The following UXS1 variants were observed in gnomAD, a reference collection of about 807,000 sequenced individuals.
UXS1 encodes UDP-glucuronate decarboxylase 1, also known as UDP-glucuronic acid decarboxylase 1.
UXS1 carries 33 observed loss-of-function variants against 62.6 expected under a neutral mutation model. The ratio of observed to expected loss-of-function variants is 0.53; its 90% CI spans 0.40 to 0.70. UXS1 has a LOEUF of 0.70. Ranked by LOEUF, UXS1 falls within the 30% of genes least tolerant of loss-of-function variation. The pLI is 0.00. For synonymous variants in UXS1, 213 were observed against 206.8 expected (o/e 1.03, Z -0.26); for missense variants, 434 against 556.3 (o/e 0.78, Z 2.21).
intron 10 of UXS1, among the ~76,000 whole-genome samples, chr2:106,106,985 ATTT>A (rs199704200): frequency 6.6e-6 from 1 of 151,630 alleles, no homozygotes; most frequent in African/African-American, 2.4e-5. Context: ...CTACCTGTAG[ATTT>A]TTTTTTCTTT....
intron 5 of UXS1, among the ~76,000 whole-genome samples, chr2:106,145,818 T>G (rs1681515364): frequency 6.6e-6 from 1 of 152,172 alleles, no homozygotes; most frequent in Non-Finnish European, 1.5e-5. Flanking sequence ...AAAAAAAACT[T>G]AATATTTAAG....
chr2:106,144,836 G>C (rs370651328), intron 6 of UXS1, among the ~76,000 whole-genome samples: 1 of 152,018 alleles, frequency 6.6e-6, no homozygotes, highest in African/African-American at 2.4e-5. Context: ...ACCTCCAAAG[G>C]CCCCACCTCC....
intron 7 of UXS1, among the ~76,000 whole-genome samples, chr2:106,127,985 T>A (rs560117191): frequency 6.6e-5 from 10 of 152,214 alleles, no homozygotes; most frequent in African/African-American, 2.2e-4. Context: ...CCAACCCCCA[T>A]AGGGCACCAA....
chr2:106,127,910 C>A (rs1026733857), intron 7 of UXS1, among the ~76,000 whole-genome samples: 1 of 152,196 alleles, frequency 6.6e-6, no homozygotes, highest in Non-Finnish European at 1.5e-5. Flanking sequence ...TTTGCTGAGG[C>A]CTCTCTTTGG....
intron 9 of UXS1, among the ~76,000 whole-genome samples, chr2:106,116,667 T>G (rs1679084735): frequency 6.6e-6 from 1 of 152,236 alleles, no homozygotes; most frequent in Admixed American, 6.5e-5. Context: ...AACATTTATA[T>G]ATTAAGTACA....
rs115345995 is a variant in UXS1 at position 106,177,673 on chromosome 2, A to G, written c.95-11590T>C. On this transcript the variant is annotated intron_variant, in intron 1 of 14. Transcript: ENST00000283148. ...GATGCTGCCATGTGAGGACACTGCG[A>G]GAAGGCGCCATCTATGAACAGGAAT... Among the ~76,000 whole-genome samples, 1,384 of 152,358 alleles carry G rather than the reference A, an allele frequency of 9.1e-3. 9 individuals are homozygous for G. Among genetic ancestry groups the G allele is most frequent in the Admixed American group, 0.017 (253 of 15,308 alleles).
chr2:106,168,452 T>G (rs563577019), intron 1 of UXS1, among the ~76,000 whole-genome samples: 32 of 152,334 alleles, frequency 2.1e-4, no homozygotes, highest in African/African-American at 7.0e-4. Flanking sequence ...GACCTCTCTA[T>G]AGAGTAGCCA....
At chr2:106,163,795 G>T in intron 3 of UXS1, 85 bp from the exon 4 acceptor site, 1 of 804,900 alleles carries the variant, frequency 1.2e-6, no homozygotes, top group Non-Finnish European at 1.8e-6. Context: ...TTCAGATAAG[G>T]CAAAACAGGT....
intron 13 of UXS1, among the ~76,000 whole-genome samples, chr2:106,098,285 C>A (rs764335687): frequency 6.6e-6 from 1 of 152,240 alleles, no homozygotes; most frequent in East Asian, 1.9e-4. Flanking sequence ...TGCTACACTG[C>A]CCCCAGTGGG....
chr2:106,141,030 A>C (rs1368091055), intron 6 of UXS1, among the ~76,000 whole-genome samples: 1 of 152,218 alleles, frequency 6.6e-6, no homozygotes, highest in Non-Finnish European at 1.5e-5. Flanking sequence ...GGCTTTCTGA[A>C]GCATGGTTTA....
intron 5 of UXS1, among the ~76,000 whole-genome samples, chr2:106,157,783 A>T (rs1682555421): frequency 6.6e-6 from 1 of 152,230 alleles, no homozygotes; most frequent in Non-Finnish European, 1.5e-5. Flanking sequence ...TGTTCAAAAA[A>T]GGCAGATTCA....
chr2:106,107,949 GGA>G (rs1678229322), intron 10 of UXS1, among the ~76,000 whole-genome samples: 3 of 152,244 alleles, frequency 2.0e-5, no homozygotes, highest in Admixed American at 6.5e-5. Flanking sequence ...TAGTACAAGA[GGA>G]GGCTGTTCTG....
chr2:106,180,505 T>C (rs987945872), intron 1 of UXS1, among the ~76,000 whole-genome samples: 7 of 152,208 alleles, frequency 4.6e-5, no homozygotes, highest in Non-Finnish European at 1.0e-4. Flanking sequence ...GTAACAATTA[T>C]GTGACTAATT....
At chr2:106,165,117 G>A (rs756359890) in intron 2 of UXS1, among the ~76,000 whole-genome samples, 2 of 152,244 alleles carry the variant, frequency 1.3e-5, no homozygotes. Flanking sequence ...AGGAGTATGT[G>A]TTTGTGCCTG....
Position 106,095,109 on chromosome 2 carries a change from T to C in UXS1, c.1147-952A>G, listed in dbSNP as rs185697473. 5.3e-5 allele frequency among the ~76,000 whole-genome samples: 8 copies of C among 152,266 alleles called. No homozygotes were observed. The East Asian group carries it at 1.5e-3, about 29-fold the overall frequency. ...CTCACATTCCAAGAATGTTAGAATA[T>C]TATAGGTCTAAATTCCAGAAAGATA... On this transcript the variant is annotated intron_variant, in intron 14 of 14. Transcript: ENST00000283148.
intron 1 of UXS1, among the ~76,000 whole-genome samples, chr2:106,173,349 T>C (rs1314212982): frequency 6.6e-6 from 1 of 152,172 alleles, no homozygotes; most frequent in African/African-American, 2.4e-5. Context: ...GCCCAGGAGT[T>C]TGAGACCAGC....
intron 1 of UXS1, among the ~76,000 whole-genome samples, chr2:106,172,075 G>A (rs935935374): frequency 2.5e-4 from 38 of 152,244 alleles, no homozygotes; most frequent in African/African-American, 8.7e-4. Flanking sequence ...CTCAGCGCTT[G>A]CGGATGCACA....
chr2:106,165,203 G>T lies in UXS1; in HGVS notation c.123-404C>A, dbSNP rs575283470. On this transcript the variant is annotated intron_variant, in intron 2 of 14. Coordinates refer to ENST00000283148, the MANE Select transcript of UXS1 (RefSeq NM_001253875.2). Reference sequence around the variant, plus strand: ...CACAGAGCTCCTTTAAAAGGGATCTGAGCACCCCACCTAGTCATACACAGC... The same window carrying T: ...CACAGAGCTCCTTTAAAAGGGATCTTAGCACCCCACCTAGTCATACACAGC... Among the ~76,000 whole-genome samples, 6 of 152,254 alleles carry T rather than the reference G, an allele frequency of 3.9e-5. No individual in the cohort carries two copies. The South Asian group carries it at 1.2e-3, about 32-fold the overall frequency.
intron 1 of UXS1, among the ~76,000 whole-genome samples, chr2:106,170,053 C>G (rs926774422): frequency 6.6e-6 from 1 of 152,194 alleles, no homozygotes; most frequent in Non-Finnish European, 1.5e-5. Flanking sequence ...GCCCTCTCCT[C>G]CCCAGCTGCA....
Sources: allele counts gnomAD v4.1 joint callset (sites outside exome capture counted in the v4.1 genomes callset), GRCh38; gene constraint gnomAD v4.1.1; transcripts MANE v1.5; gene names NCBI Gene and HGNC (gene_info 2026-07-23, HGNC 2026-07-21).